LRRC4C: variants seen among roughly 807,000 people sequenced by gnomAD.
LRRC4C encodes leucine rich repeat containing 4C.
A neutral mutation model predicts 33.6 loss-of-function variants in LRRC4C; 5 were observed. That is an observed-to-expected ratio of 0.15 (90% CI 0.08 to 0.31). The LOEUF is 0.31. LRRC4C is among the 10% of genes least tolerant of loss of function. LRRC4C has a pLI of 1.00. For missense variants in LRRC4C, 560 were observed against 796.7 expected, an observed-to-expected ratio of 0.70 and a Z score of 3.58; for synonymous variants, 329 against 302.0, an observed-to-expected ratio of 1.09 and a Z score of -0.93.
intron 2 of LRRC4C, among the ~76,000 whole-genome samples, chr11:40,914,139 T>A (rs2136297152): frequency 6.6e-6 from 1 of 152,286 alleles, no homozygotes; most frequent in South Asian, 2.1e-4. Flanking sequence ...TTGGTACCAT[T>A]CCTTCTGATA....
chr11:40,812,866 A>C (rs182436254), intron 2 of LRRC4C, among the ~76,000 whole-genome samples: 2 of 152,308 alleles, frequency 1.3e-5, no homozygotes, highest in Admixed American at 1.3e-4. Context: ...TGGATAAAAA[A>C]AGAGAAGTGA....
intron 1 of LRRC4C, among the ~76,000 whole-genome samples, chr11:41,145,856 C>A (rs149977922): frequency 6.6e-6 from 1 of 152,234 alleles, no homozygotes; most frequent in South Asian, 2.1e-4. Context: ...ATAGTTTCCA[C>A]GGTGATTTTG....
At chr11:41,327,337 G>C (rs900548082) in intron 1 of LRRC4C, among the ~76,000 whole-genome samples, 2 of 152,200 alleles carry the variant, frequency 1.3e-5, no homozygotes, top group African/African-American at 4.8e-5. Flanking sequence ...GACTGCAGCA[G>C]CCCTGAGAAC....
At chr11:40,674,045 C>G (rs138379251) in intron 2 of LRRC4C, among the ~76,000 whole-genome samples, 1 of 152,318 alleles carries the variant, frequency 6.6e-6, no homozygotes, top group East Asian at 1.9e-4. Flanking sequence ...CAGCATATCT[C>G]TGGTCTCACA....
At chr11:41,303,323 G>A (rs1330973336) in intron 1 of LRRC4C, among the ~76,000 whole-genome samples, 2 of 127,584 alleles carry the variant, frequency 1.6e-5, no homozygotes, top group Non-Finnish European at 3.4e-5. Context: ...CCCTAACCGC[G>A]AGTGATCTGC....
chr11:41,289,522 A>C (rs767820180), intron 1 of LRRC4C, among the ~76,000 whole-genome samples: 1 of 152,154 alleles, frequency 6.6e-6, no homozygotes, highest in Non-Finnish European at 1.5e-5. Flanking sequence ...TGGAGTCCTT[A>C]TCAGAAAAGG....
intron 1 of LRRC4C, among the ~76,000 whole-genome samples, chr11:41,238,010 C>A (rs893053442): frequency 6.6e-6 from 1 of 152,070 alleles, no homozygotes; most frequent in Admixed American, 6.6e-5. Flanking sequence ...TATAAATACC[C>A]CCAGCCACTC....
chr11:40,184,866 C>CT (rs1256786477), intron 5 of LRRC4C, among the ~76,000 whole-genome samples: 5 of 152,216 alleles, frequency 3.3e-5, no homozygotes, highest in African/African-American at 9.6e-5. Context: ...TTTTCCACCT[C>CT]TTAGGACAGC....
At chr11:41,025,367 T>C (rs1175501848) in intron 1 of LRRC4C, among the ~76,000 whole-genome samples, 1 of 151,532 alleles carries the variant, frequency 6.6e-6, no homozygotes, top group Admixed American at 6.6e-5. Context: ...AGTAAAGACA[T>C]GAATGATAAG....
intron 1 of LRRC4C, among the ~76,000 whole-genome samples, chr11:41,205,337 G>A (rs931675021): frequency 6.6e-6 from 1 of 152,180 alleles, no homozygotes; most frequent in Admixed American, 6.5e-5. Flanking sequence ...TTATTGCATG[G>A]AGAATGTGCT....
At chr11:40,457,515 T>C (rs765059152) in intron 3 of LRRC4C, among the ~76,000 whole-genome samples, 3 of 152,164 alleles carry the variant, frequency 2.0e-5, no homozygotes, top group Non-Finnish European at 4.4e-5. Context: ...AAATGGCTTT[T>C]GTGCATTTCG....
intron 5 of LRRC4C, among the ~76,000 whole-genome samples, chr11:40,183,053 T>A (rs1198056602): frequency 6.6e-6 from 1 of 152,160 alleles, no homozygotes; most frequent in Non-Finnish European, 1.5e-5. Context: ...AACCACTACA[T>A]ATGCTACTGC....
At chr11:40,975,299 C>A (rs1311280009) in intron 1 of LRRC4C, among the ~76,000 whole-genome samples, 2 of 152,134 alleles carry the variant, frequency 1.3e-5, no homozygotes, top group Non-Finnish European at 2.9e-5. Flanking sequence ...TTGTGATCTT[C>A]CTTCTGAGTG....
intron 1 of LRRC4C, among the ~76,000 whole-genome samples, chr11:41,106,901 T>C (rs1435719086): frequency 1.3e-5 from 2 of 152,020 alleles, no homozygotes; most frequent in East Asian, 3.9e-4. Flanking sequence ...TAGTCCCAGC[T>C]ACTTGGGAGG....
At chr11:41,011,418 A>G (rs548835525) in intron 1 of LRRC4C, among the ~76,000 whole-genome samples, 11 of 152,276 alleles carry the variant, frequency 7.2e-5, no homozygotes, top group African/African-American at 2.6e-4. Context: ...AGTGTTTTGT[A>G]GCTGGTTGGG....
intron 1 of LRRC4C, among the ~76,000 whole-genome samples, chr11:41,328,437 GT>G (rs1414756368): frequency 1.3e-5 from 2 of 152,068 alleles, no homozygotes; most frequent in African/African-American, 4.8e-5. Context: ...GTGTGTGCGT[GT>G]CTGTGTGTGT....
At chr11:41,011,510 T>C (rs1855176762) in intron 1 of LRRC4C, among the ~76,000 whole-genome samples, 1 of 152,146 alleles carries the variant, frequency 6.6e-6, no homozygotes, top group African/African-American at 2.4e-5. Context: ...ATTTGCACTA[T>C]AAAGTAAATA....
intron 3 of LRRC4C, among the ~76,000 whole-genome samples, chr11:40,361,348 A>T (rs943178900): frequency 5.3e-5 from 8 of 152,286 alleles, no homozygotes; most frequent in Admixed American, 3.3e-4. Flanking sequence ...AAGCTGATAA[A>T]CAACTTGAAC....
At chr11:41,329,898 T>G (rs1438009575) in intron 1 of LRRC4C, among the ~76,000 whole-genome samples, 1 of 152,214 alleles carries the variant, frequency 6.6e-6, no homozygotes, top group African/African-American at 2.4e-5. Context: ...CACTGAACAC[T>G]GAGCACGTGG....
Sources: gnomAD v4.1 joint callset for allele counts (sites outside exome capture counted in the v4.1 genomes callset) on GRCh38, gnomAD v4.1.1 for gene constraint, MANE v1.5 for transcripts, NCBI Gene and HGNC (gene_info 2026-07-23, HGNC 2026-07-21) for gene names.